The following NEGR1 variants were observed in gnomAD, a reference collection of about 807,000 sequenced individuals.
The protein encoded by NEGR1 is IgLON family member 4.
A neutral mutation model predicts 40.9 loss-of-function variants in NEGR1; 10 were observed. That is an observed-to-expected ratio of 0.24 (90% CI 0.15 to 0.42). The LOEUF is 0.42. NEGR1 is among the 10% of genes least tolerant of loss of function. The pLI is 1.00. For synonymous variants in NEGR1, 185 were observed against 166.8 expected, an observed-to-expected ratio of 1.11 and a Z score of -0.84; for missense variants, 352 against 438.9, an observed-to-expected ratio of 0.80 and a Z score of 1.77.
At chr1:71,623,348 A>C (rs910423186) in intron 4 of NEGR1, among the ~76,000 whole-genome samples, 4 of 151,806 alleles carry the variant, frequency 2.6e-5, no homozygotes, top group Non-Finnish European at 5.9e-5. Context: ...CCCCCCCGCC[A>C]TTTATTTTGA....
chr1:71,825,004 G>A (rs1658567771), intron 2 of NEGR1, among the ~76,000 whole-genome samples: 1 of 151,638 alleles, frequency 6.6e-6, no homozygotes, highest in African/African-American at 2.4e-5. Flanking sequence ...CATTTATCTT[G>A]GGTAAATATC....
intron 6 of NEGR1, chr1:71,472,749 TCTCA>T (rs1646790429): frequency 6.6e-6 from 1 of 152,096 alleles, no homozygotes; most frequent in Non-Finnish European, 1.5e-5. Flanking sequence ...GTTTATATTC[TCTCA>T]GTGAGAATTC....
intron 4 of NEGR1, among the ~76,000 whole-genome samples, chr1:71,629,468 C>T (rs764518185): frequency 6.6e-6 from 1 of 151,792 alleles, no homozygotes; most frequent in Non-Finnish European, 1.5e-5. Flanking sequence ...AGTTGTATTC[C>T]TAAGTATTTT....
chr1:71,439,555 G>A (rs1365580686), intron 6 of NEGR1, among the ~76,000 whole-genome samples: 2 of 152,126 alleles, frequency 1.3e-5, no homozygotes, highest in Non-Finnish European at 2.9e-5. Flanking sequence ...TAGAGACAGA[G>A]TTTGACCATG....
chr1:72,245,828 A>G (rs1570169866), intron 1 of NEGR1, among the ~76,000 whole-genome samples: 1 of 152,288 alleles, frequency 6.6e-6, no homozygotes, highest in East Asian at 1.9e-4. Flanking sequence ...TCACACTTCT[A>G]ATACATGCTT....
intron 3 of NEGR1, among the ~76,000 whole-genome samples, chr1:71,730,628 C>A (rs1241345103): frequency 1.4e-5 from 2 of 144,562 alleles, no homozygotes; most frequent in Non-Finnish European, 3.0e-5. Flanking sequence ...CCATACTCTG[C>A]AAACACATTT....
In NEGR1 at chr1:71,495,958, A is replaced by G. The variant is rs1553146270; in HGVS notation, c.941-88388T>C. ...GATGGTATTTGATAATTCTTGCAACATTTTTTTTTGATAGCAGTTTATTTC... is the reference window on the plus strand; with the variant it reads ...GATGGTATTTGATAATTCTTGCAACGTTTTTTTTTGATAGCAGTTTATTTC... On this transcript the variant is annotated intron_variant, in intron 6 of 6. Transcript: ENST00000357731. 2.0e-5 allele frequency among the ~76,000 whole-genome samples: 3 copies of G among 151,382 alleles called. No homozygotes were observed. The South Asian group carries it at 6.3e-4, about 32-fold the overall frequency.
intron 6 of NEGR1, among the ~76,000 whole-genome samples, chr1:71,546,538 A>C (rs1298673811): frequency 6.6e-6 from 1 of 151,760 alleles, no homozygotes; most frequent in Non-Finnish European, 1.5e-5. Flanking sequence ...CATTGAGTAC[A>C]TGCCAGACAA....
rs190801771 is a variant in NEGR1 at position 71,445,471 on chromosome 1, C to T, written c.941-37901G>A. 2.1e-3 allele frequency among the ~76,000 whole-genome samples: 313 copies of T among 151,320 alleles called. 1 individual carries two copies. Among genetic ancestry groups the T allele is most frequent in the African/African-American group, 7.3e-3 (301 of 41,314 alleles). ...CTTGAAGTTAGTTGAGGATTTAAGG[C>T]GTTAGAGAAATAGGCTGAGGAACTA... On this transcript the variant is annotated intron_variant, in intron 6 of 6. Transcript: ENST00000357731.
At chr1:71,754,989 T>C (rs1322679018) in intron 3 of NEGR1, among the ~76,000 whole-genome samples, 3 of 152,202 alleles carry the variant, frequency 2.0e-5, no homozygotes, top group Non-Finnish European at 4.4e-5. Flanking sequence ...CCAAGTTTCA[T>C]TTATTGTCCT....
intron 2 of NEGR1, among the ~76,000 whole-genome samples, chr1:71,868,972 T>C (rs1023671208): frequency 1.3e-5 from 2 of 152,116 alleles, no homozygotes; most frequent in Admixed American, 1.3e-4. Flanking sequence ...TGACCTCAAT[T>C]TCTCCTAGGA....
At position 71,629,586 on chromosome 1, in the gene NEGR1, G is replaced by A. The variant is rs552525354; in HGVS notation, c.668-18440C>T. On this transcript the variant is annotated intron_variant, in intron 4 of 6. Transcript: ENST00000357731. ...GTGATTTTTCTCACCACTCCTATTC[G>A]ACATAGTATTGGGAGTTCTGGCCGG... Among the ~76,000 whole-genome samples the A allele has an allele frequency of 2.7e-4, 41 of 151,910 alleles. No homozygotes were observed. The South Asian group carries it at 7.9e-3, about 29-fold the overall frequency.
chr1:72,149,229 G>T (rs1003629412), intron 1 of NEGR1, among the ~76,000 whole-genome samples: 7 of 152,148 alleles, frequency 4.6e-5, no homozygotes, highest in African/African-American at 1.7e-4. Context: ...AAACCCATCA[G>T]ATATCGTGAG....
chr1:71,403,036 A>G lies in NEGR1; in HGVS notation c.*4410T>C, dbSNP rs543649216. The G allele has an allele frequency of 1.8e-4, 27 of 152,216 alleles. No individual in the cohort carries two copies. Among genetic ancestry groups the G allele is most frequent in the South Asian group, 6.2e-4 (3 of 4,828 alleles). 9.4% of individuals were successfully genotyped at this position (152,216 alleles called of 1,614,324 possible). A position where few individuals can be genotyped will look rare whatever the true frequency, so the allele number is the denominator to read the frequency against. On this transcript the variant is annotated 3_prime_UTR_variant, in exon 7 of 7. Coordinates refer to ENST00000357731, the MANE Select transcript of NEGR1 (RefSeq NM_173808.3). ...ATTTCTCAGAATAGCAATGATACTTATATTTCAAAATAGCTTATAAAACCA... is the reference window on the plus strand; with the variant it reads ...ATTTCTCAGAATAGCAATGATACTTGTATTTCAAAATAGCTTATAAAACCA...
At chr1:72,263,705 T>C (rs182930447) in intron 1 of NEGR1, among the ~76,000 whole-genome samples, 3 of 151,688 alleles carry the variant, frequency 2.0e-5, no homozygotes, top group Non-Finnish European at 4.4e-5. Flanking sequence ...TCTAACTTTC[T>C]TGAATTACTG....
intron 1 of NEGR1, among the ~76,000 whole-genome samples, chr1:72,110,699 C>T (rs1279195831): frequency 3.3e-5 from 5 of 151,654 alleles, no homozygotes; most frequent in African/African-American, 1.2e-4. Flanking sequence ...TGTTTAACCT[C>T]TGAACGAACA....
At chr1:71,440,622 C>T (rs145452999) in intron 6 of NEGR1, among the ~76,000 whole-genome samples, 3 of 152,276 alleles carry the variant, frequency 2.0e-5, no homozygotes, top group Admixed American at 6.5e-5. Context: ...TTGGTACAGG[C>T]ATCAACAGCA....
intron 6 of NEGR1, among the ~76,000 whole-genome samples, chr1:71,453,985 A>C (rs979316572): frequency 6.6e-6 from 1 of 152,226 alleles, no homozygotes; most frequent in Non-Finnish European, 1.5e-5. Context: ...TTTTACCCAC[A>C]AACACTGGTG....
At chr1:72,169,455 A>C (rs900035636) in intron 1 of NEGR1, among the ~76,000 whole-genome samples, 2 of 152,126 alleles carry the variant, frequency 1.3e-5, no homozygotes, top group Non-Finnish European at 2.9e-5. Flanking sequence ...ATTTTAAGTT[A>C]ATTGTCTATT....
Sources: gnomAD v4.1 joint callset for allele counts (sites outside exome capture counted in the v4.1 genomes callset) on GRCh38, gnomAD v4.1.1 for gene constraint, MANE v1.5 for transcripts, NCBI Gene and HGNC (gene_info 2026-07-23, HGNC 2026-07-21) for gene names.